ARHGAP15: variants seen among roughly 807,000 people sequenced by gnomAD.
ARHGAP15 encodes the protein rho GTPase-activating protein 15.
ARHGAP15 carries 51 observed loss-of-function variants against 63.7 expected under a neutral mutation model. The observed-to-expected ratio is 0.80, with a 90% CI of 0.64 to 1.01. The LOEUF (loss-of-function observed/expected upper bound fraction) is 1.01, where lower values mean the gene tolerates loss of function less well. ARHGAP15 is among the 50% of genes least tolerant of loss of function. The probability of loss-of-function intolerance (pLI) is 0.00; values close to 1 mark genes in which losing one functional copy is unlikely to be tolerated. For missense variants in ARHGAP15, 560 were observed against 564.6 expected (o/e 0.99, Z 0.08); for synonymous variants, 191 against 193.8 (o/e 0.99, Z 0.12).
At chr2:143,693,521 T>G (rs1463637086) in intron 12 of ARHGAP15, among the ~76,000 whole-genome samples, 1 of 152,200 alleles carries the variant, frequency 6.6e-6, no homozygotes, top group Non-Finnish European at 1.5e-5. Flanking sequence ...TTTCAGAAGA[T>G]TAGTTGTCTC....
intron 6 of ARHGAP15, among the ~76,000 whole-genome samples, chr2:143,328,605 G>T (rs1223161025): frequency 6.6e-6 from 1 of 152,062 alleles, no homozygotes; most frequent in Non-Finnish European, 1.5e-5. Flanking sequence ...AGTAGGGGAG[G>T]GATAGCATTA....
intron 7 of ARHGAP15, among the ~76,000 whole-genome samples, chr2:143,436,445 G>A (rs945072807): frequency 6.6e-6 from 1 of 152,080 alleles, no homozygotes; most frequent in East Asian, 1.9e-4. Flanking sequence ...ACTTTTTCCT[G>A]TTATTAGTAT....
At chr2:143,490,083 T>C (rs1182592119) in intron 9 of ARHGAP15, among the ~76,000 whole-genome samples, 1 of 152,194 alleles carries the variant, frequency 6.6e-6, no homozygotes, top group Non-Finnish European at 1.5e-5. Context: ...CACTGCAAGC[T>C]CTGCCTCCTG....
intron 11 of ARHGAP15, among the ~76,000 whole-genome samples, chr2:143,621,133 G>C (rs940653783): frequency 6.6e-6 from 1 of 152,136 alleles, no homozygotes; most frequent in Non-Finnish European, 1.5e-5. Context: ...ACTGGGAAAT[G>C]CTACTGGCAT....
At chr2:143,289,032 A>G (rs183873188) in intron 6 of ARHGAP15, among the ~76,000 whole-genome samples, 5 of 152,272 alleles carry the variant, frequency 3.3e-5, no homozygotes, top group African/African-American at 1.2e-4. Context: ...TGATCTGTCA[A>G]CATTCACCCC....
At chr2:143,368,318 A>G (rs1686387494) in intron 6 of ARHGAP15, among the ~76,000 whole-genome samples, 1 of 151,944 alleles carries the variant, frequency 6.6e-6, no homozygotes, top group South Asian at 2.1e-4. Context: ...TCAGCTAAGT[A>G]TCAAAGAATC....
intron 6 of ARHGAP15, among the ~76,000 whole-genome samples, chr2:143,411,063 G>A (rs1185275974): frequency 1.3e-5 from 2 of 151,998 alleles, no homozygotes; most frequent in Non-Finnish European, 2.9e-5. Context: ...AAATTAGCAG[G>A]GCATGACGGC....
At chr2:143,210,621 G>A (rs936607236) in intron 3 of ARHGAP15, among the ~76,000 whole-genome samples, 1 of 152,108 alleles carries the variant, frequency 6.6e-6, no homozygotes, top group African/African-American at 2.4e-5. Context: ...TATCCTAAGT[G>A]AGAGAAAGTA....
chr2:143,531,062 C>A lies in ARHGAP15; in HGVS notation c.925+11698C>A, dbSNP rs187417642. ...GTTTGCTATTGCCCTGAAGCAAAAC[C>A]TTTTTCACAGAGACTACACTTTGGC... On this transcript the variant is annotated intron_variant, in intron 10 of 13. Coordinates refer to ENST00000295095, the MANE Select transcript of ARHGAP15 (RefSeq NM_018460.4). Among the ~76,000 whole-genome samples, 330 of 151,850 alleles carry A rather than the reference C, an allele frequency of 2.2e-3. 3 individuals carry two copies. The highest frequency in any genetic ancestry group is 7.7e-4 in the Non-Finnish European group (52 of 67,934).
At position 143,662,933 on chromosome 2, in the gene ARHGAP15, G is replaced by A. The variant is rs999725160; in HGVS notation, c.1138+38666G>A. Among the ~76,000 whole-genome samples the A allele has an allele frequency of 8.4e-4, 122 of 145,030 alleles. 2 individuals are homozygous for A. The highest frequency in any genetic ancestry group is 3.5e-3 in the Admixed American group (52 of 14,788). On this transcript the variant is annotated intron_variant, in intron 12 of 13. Coordinates refer to ENST00000295095, the MANE Select transcript of ARHGAP15 (RefSeq NM_018460.4). ...GACTATGTGAAAAGACCAACTCTAC[G>A]TCTGATTGGCGTACCTGAAAGTGAT...
At chr2:143,249,269 G>A (rs1205863532) in intron 5 of ARHGAP15, among the ~76,000 whole-genome samples, 1 of 151,516 alleles carries the variant, frequency 6.6e-6, no homozygotes, top group Admixed American at 6.6e-5. Context: ...GTTATACAAT[G>A]TTTCAAAAAA....
At chr2:143,191,236 G>C (rs924752859) in intron 2 of ARHGAP15, among the ~76,000 whole-genome samples, 6 of 152,144 alleles carry the variant, frequency 3.9e-5, no homozygotes, top group Non-Finnish European at 1.5e-5. Flanking sequence ...TCATTGTCGG[G>C]GGTCATTTTG....
At chr2:143,130,668 A>G (rs1212134239) in intron 1 of ARHGAP15, among the ~76,000 whole-genome samples, 1 of 152,178 alleles carries the variant, frequency 6.6e-6, no homozygotes, top group African/African-American at 2.4e-5. Context: ...AATTGTCAAT[A>G]CTGAAGCTAG....
At chr2:143,333,945 A>G (rs1246222931) in intron 6 of ARHGAP15, among the ~76,000 whole-genome samples, 1 of 152,220 alleles carries the variant, frequency 6.6e-6, no homozygotes, top group East Asian at 1.9e-4. Context: ...CAAGAGGGAA[A>G]GAACAAAGGC....
intron 12 of ARHGAP15, among the ~76,000 whole-genome samples, chr2:143,673,773 T>TATATATAC (rs1682683554): frequency 3.6e-4 from 37 of 102,268 alleles, no homozygotes; most frequent in African/African-American, 1.2e-3. Flanking sequence ...TATATATATA[T>TATATATAC]ATATATATAT....
At chr2:143,460,763 A>G (rs973752078) in intron 8 of ARHGAP15, among the ~76,000 whole-genome samples, 2 of 152,152 alleles carry the variant, frequency 1.3e-5, no homozygotes, top group Non-Finnish European at 2.9e-5. Flanking sequence ...TAAGAAGAAA[A>G]TGGGAAAATG....
At chr2:143,343,603 C>G (rs560889421) in intron 6 of ARHGAP15, among the ~76,000 whole-genome samples, 1 of 151,950 alleles carries the variant, frequency 6.6e-6, no homozygotes, top group Non-Finnish European at 1.5e-5. Context: ...ATATTTGTTG[C>G]GTTAATGAAT....
At chr2:143,448,049 G>A (rs1436412778) in intron 8 of ARHGAP15, among the ~76,000 whole-genome samples, 1 of 152,274 alleles carries the variant, frequency 6.6e-6, no homozygotes, top group Non-Finnish European at 1.5e-5. Flanking sequence ...AAGGTTTATG[G>A]AGTTTAATGC....
intron 6 of ARHGAP15, among the ~76,000 whole-genome samples, chr2:143,428,040 C>A (rs186219148): frequency 6.6e-6 from 1 of 152,002 alleles, no homozygotes; most frequent in Non-Finnish European, 1.5e-5. Context: ...ATTATTATAG[C>A]ATAGTGGGGG....
Sources: allele counts gnomAD v4.1 joint callset (sites outside exome capture counted in the v4.1 genomes callset), GRCh38; gene constraint gnomAD v4.1.1; transcripts MANE v1.5; gene names NCBI Gene and HGNC (gene_info 2026-07-23, HGNC 2026-07-21).